The following STK32B variants were observed in gnomAD, a reference collection of about 807,000 sequenced individuals.
STK32B encodes the protein serine/threonine-protein kinase 32B.
Under a neutral mutation model 52.6 loss-of-function variants are expected in STK32B, and 43 were observed. That is an observed-to-expected ratio of 0.82 (90% CI 0.64 to 1.05). The LOEUF is 1.05. Ranked by LOEUF, STK32B falls within the 50% of genes least tolerant of loss-of-function variation. The probability of loss-of-function intolerance (pLI) is 0.00; values close to 1 mark genes in which losing one functional copy is unlikely to be tolerated. For missense variants in STK32B, 621 were observed against 534.6 expected (o/e 1.16, Z -1.59); for synonymous variants, 238 against 204.3 (o/e 1.17, Z -1.41).
rs1737677277 is a variant in STK32B at position 5,406,443 on chromosome 4, G to C, written c.472+8199G>C. ...AGTGCCCCAGTGGGGACTTTCTGTG[G>C]GGGCTCCAACCCCACATTTCCCCTT... On this transcript the variant is annotated intron_variant, in intron 5 of 11. Transcript: ENST00000282908. Among the ~76,000 whole-genome samples, 10 of 152,080 alleles carry C rather than the reference G, an allele frequency of 6.6e-5. No homozygotes were observed. The South Asian group carries it at 2.1e-3, about 31-fold the overall frequency.
chr4:5,227,089 T>C (rs961322529), intron 3 of STK32B, among the ~76,000 whole-genome samples: 8 of 152,222 alleles, frequency 5.3e-5, no homozygotes, highest in African/African-American at 1.9e-4. Flanking sequence ...GGTTGAAATA[T>C]ATGAAGAAAA....
At chr4:5,270,059 C>T (rs1246138679) in intron 3 of STK32B, among the ~76,000 whole-genome samples, 4 of 152,192 alleles carry the variant, frequency 2.6e-5, no homozygotes. Context: ...ATCCAACATT[C>T]ATTCCTGGTA....
chr4:5,021,744 G>A, the STK32B span, among the ~76,000 whole-genome samples: 2 of 152,196 alleles, frequency 1.3e-5, no homozygotes, highest in East Asian at 3.8e-4. Flanking sequence ...GGGTAAATCA[G>A]CTGAGCTCAG....
intron 1 of STK32B, among the ~76,000 whole-genome samples, chr4:5,092,655 G>A (rs369658521): frequency 3.2e-4 from 49 of 152,276 alleles, no homozygotes; most frequent in Non-Finnish European, 6.0e-4. Context: ...CTTCTGAGGA[G>A]TCCGTCTCAT....
chr4:5,268,692 C>T (rs1310281429), intron 3 of STK32B, among the ~76,000 whole-genome samples: 4 of 151,920 alleles, frequency 2.6e-5, no homozygotes, highest in African/African-American at 9.7e-5. Context: ...CTGTCCTGTT[C>T]ACGATATATT....
chr4:5,301,254 TG>T (rs1472802494), intron 3 of STK32B, among the ~76,000 whole-genome samples: 1 of 152,058 alleles, frequency 6.6e-6, no homozygotes, highest in Non-Finnish European at 1.5e-5. Flanking sequence ...ATGATGTCTT[TG>T]GTTTTGGTGT....
At chr4:5,482,195 T>A (rs960581853) in intron 11 of STK32B, among the ~76,000 whole-genome samples, 1 of 152,228 alleles carries the variant, frequency 6.6e-6, no homozygotes, top group African/African-American at 2.4e-5. Context: ...ATTTTCACGA[T>A]ATTGATTCTT....
rs909654782 is a variant in STK32B at position 5,334,379 on chromosome 4, T to C, written c.434+2986T>C. On this transcript the variant is annotated intron_variant, in intron 4 of 11. Transcript: ENST00000282908. ...TTATCAGCTTAAGGAGATTTTGGGC[T>C]GAGACAATGGGGTTTTCTAGGTATA... is the stretch of plus-strand genomic sequence containing the variant. 7.5e-5 allele frequency among the ~76,000 whole-genome samples: 11 copies of C among 146,550 alleles called. No homozygotes were observed. The South Asian group carries it at 2.0e-3, about 26-fold the overall frequency.
intron 9 of STK32B, 53 bp from the exon 10 acceptor site, chr4:5,466,650 C>A: frequency 6.5e-7 from 1 of 1,546,566 alleles, no homozygotes; most frequent in Non-Finnish European, 8.7e-7. Context: ...AAAGAAAATT[C>A]AGTGATGGGT....
At chr4:5,393,249 C>A (rs1439911808) in intron 4 of STK32B, among the ~76,000 whole-genome samples, 2 of 152,168 alleles carry the variant, frequency 1.3e-5, no homozygotes, top group African/African-American at 2.4e-5. Flanking sequence ...GTCTTTGCCC[C>A]ACTCTGTTAT....
intron 3 of STK32B, among the ~76,000 whole-genome samples, chr4:5,295,209 C>T (rs910729468): frequency 2.0e-5 from 3 of 151,522 alleles, no homozygotes; most frequent in African/African-American, 7.3e-5. Flanking sequence ...CATCAATGTT[C>T]ATCAGGGATA....
chr4:5,435,813 T>G (rs774389655), intron 6 of STK32B: 1 of 152,084 alleles, frequency 6.6e-6, no homozygotes, highest in Non-Finnish European at 1.5e-5. Flanking sequence ...ATGAAGAGCA[T>G]GGGGGAAATG....
intron 6 of STK32B, 41 bp downstream of exon 6, chr4:5,416,975 ACTGCCTAAGACTCAGCATCCTTCT>A (rs771707466): frequency 1.3e-6 from 2 of 1,538,784 alleles, no homozygotes; most frequent in Middle Eastern, 1.8e-4. Context: ...GATCGGGCTC[ACTGCCTAAGACTCAGCATCCTTCT>A]CTTGTTTCAT....
intron 4 of STK32B, among the ~76,000 whole-genome samples, chr4:5,346,179 G>T (rs1003676127): frequency 2.6e-5 from 4 of 152,184 alleles, no homozygotes; most frequent in Admixed American, 6.5e-5. Context: ...GTTCCCGTTT[G>T]CCAATACTAC....
At chr4:5,076,627 A>G (rs1232746645) in intron 1 of STK32B, among the ~76,000 whole-genome samples, 1 of 152,180 alleles carries the variant, frequency 6.6e-6, no homozygotes, top group Non-Finnish European at 1.5e-5. Flanking sequence ...ATCTATACCA[A>G]TATAATCTGC....
chr4:5,387,988 G>A (rs755659106), intron 4 of STK32B, among the ~76,000 whole-genome samples: 3 of 151,956 alleles, frequency 2.0e-5, no homozygotes, highest in Non-Finnish European at 4.4e-5. Context: ...AGGTGATCCC[G>A]CCCGCCTCAG....
intron 3 of STK32B, among the ~76,000 whole-genome samples, chr4:5,297,215 T>G (rs1414941915): frequency 6.6e-6 from 1 of 152,210 alleles, no homozygotes; most frequent in Non-Finnish European, 1.5e-5. Context: ...TAACATGTCT[T>G]CCTTCATTTC....
chr4:5,491,679 C>G (rs561749399), intron 11 of STK32B, among the ~76,000 whole-genome samples: 6,671 of 152,092 alleles, frequency 0.044, 223 homozygotes, highest in Non-Finnish European at 0.069. Context: ...ATGGTAATGC[C>G]TAGGTTTTCT....
chr4:5,228,691 G>T (rs1408041698), intron 3 of STK32B, among the ~76,000 whole-genome samples: 6 of 152,156 alleles, frequency 3.9e-5, no homozygotes, highest in African/African-American at 1.2e-4. Flanking sequence ...GTTTAGGCCT[G>T]GTGCAGTGGC....
Sources: allele counts gnomAD v4.1 joint callset (sites outside exome capture counted in the v4.1 genomes callset), GRCh38; gene constraint gnomAD v4.1.1; transcripts MANE v1.5; gene names NCBI Gene and HGNC (gene_info 2026-07-23, HGNC 2026-07-21).